The following CTNND2 variants were observed in gnomAD, a reference collection of about 807,000 sequenced individuals.
The protein encoded by CTNND2 is catenin delta 2.
CTNND2 carries 22 observed loss-of-function variants against 144.4 expected under a neutral mutation model. The observed-to-expected ratio is 0.15, with a 90% CI of 0.11 to 0.22. The LOEUF is 0.22. CTNND2 is among the 10% of genes least tolerant of loss of function. The probability of loss-of-function intolerance (pLI) is 1.00; values close to 1 mark genes in which losing one functional copy is unlikely to be tolerated. For synonymous variants in CTNND2, 751 were observed against 695.6 expected (o/e 1.08, Z -1.25); for missense variants, 1,353 against 1,618.8 (o/e 0.84, Z 2.82).
At chr5:11,478,278 G>T (rs574229078) in intron 3 of CTNND2, among the ~76,000 whole-genome samples, 79 of 152,212 alleles carry the variant, frequency 5.2e-4, no homozygotes, top group Non-Finnish European at 9.3e-4. Context: ...CTGTGCTTGG[G>T]GGACCTATAC....
chr5:11,731,115 C>T (rs945637438), intron 2 of CTNND2, among the ~76,000 whole-genome samples: 4 of 152,210 alleles, frequency 2.6e-5, no homozygotes, highest in Admixed American at 2.6e-4. Flanking sequence ...AGAGTATCCA[C>T]TCAATCTATT....
At chr5:11,898,791 G>A (rs949502665) in intron 1 of CTNND2, among the ~76,000 whole-genome samples, 2 of 152,072 alleles carry the variant, frequency 1.3e-5, no homozygotes, top group Non-Finnish European at 2.9e-5. Flanking sequence ...ACATAAATTT[G>A]AATACAAATA....
At chr5:11,496,060 CT>C (rs1386793911) in intron 3 of CTNND2, among the ~76,000 whole-genome samples, 4 of 152,172 alleles carry the variant, frequency 2.6e-5, no homozygotes, top group Non-Finnish European at 4.4e-5. Context: ...CTTTAACATG[CT>C]TATTCTGAAT....
intron 3 of CTNND2, among the ~76,000 whole-genome samples, chr5:11,426,856 C>T (rs1274060414): frequency 6.6e-6 from 1 of 152,178 alleles, no homozygotes; most frequent in Non-Finnish European, 1.5e-5. Flanking sequence ...CAGGGCAATT[C>T]ATGGTTCCAT....
At chr5:11,521,779 C>T (rs1303576599) in intron 3 of CTNND2, among the ~76,000 whole-genome samples, 4 of 152,184 alleles carry the variant, frequency 2.6e-5, no homozygotes, top group East Asian at 1.9e-4. Flanking sequence ...CAAAGACAAT[C>T]GATGCTCGTT....
chr5:11,842,735 G>A lies in CTNND2; in HGVS notation c.37+61082C>T, dbSNP rs1461048123. Among the ~76,000 whole-genome samples the A allele has an allele frequency of 2.4e-4, 34 of 141,114 alleles. No individual in the cohort carries two copies. The East Asian group carries it at 3.2e-3, about 13-fold the overall frequency. The allele number at this position is 141,114 out of a possible 152,430, so 92.6% of individuals were successfully genotyped here. A position where few individuals can be genotyped will look rare whatever the true frequency, so the allele number is the denominator to read the frequency against. ...CTCGGTCTCAGAACAAAAAAAAAAAGTAAACTGTCTCTTTTATAATTTTTA... is the reference window on the plus strand; with the variant it reads ...CTCGGTCTCAGAACAAAAAAAAAAAATAAACTGTCTCTTTTATAATTTTTA... On this transcript the variant is annotated intron_variant, in intron 1 of 21. Transcript: ENST00000304623.
rs529310713 is a variant in CTNND2 at position 11,799,476 on chromosome 5, A to T, written c.38-67204T>A. Among the ~76,000 whole-genome samples the T allele has an allele frequency of 7.9e-5, 12 of 152,264 alleles. No homozygotes were observed. The South Asian group carries it at 2.5e-3, about 32-fold the overall frequency. On this transcript the variant is annotated intron_variant, in intron 1 of 21. Coordinates refer to ENST00000304623, the MANE Select transcript of CTNND2 (RefSeq NM_001332.4). ...TCCCGTTGAGATGTGTATAGTTTTC[A>T]AACATTTTACCTTCTCCAATGGCTT...
intron 3 of CTNND2, among the ~76,000 whole-genome samples, chr5:11,498,844 A>G (rs190631196): frequency 6.6e-6 from 1 of 152,330 alleles, no homozygotes; most frequent in Admixed American, 6.5e-5. Context: ...AAGGTCATCT[A>G]AGAGAAAGAA....
At chr5:11,642,702 C>T (rs1561650128) in intron 2 of CTNND2, among the ~76,000 whole-genome samples, 1 of 152,184 alleles carries the variant, frequency 6.6e-6, no homozygotes, top group Non-Finnish European at 1.5e-5. Flanking sequence ...ATAAGGGTGA[C>T]CTTGTGAGGA....
intron 2 of CTNND2, among the ~76,000 whole-genome samples, chr5:11,727,947 T>C (rs1787111811): frequency 2.0e-5 from 3 of 152,246 alleles, no homozygotes; most frequent in Admixed American, 6.5e-5. Context: ...GGGAGTATTT[T>C]ATAATGAACT....
intron 3 of CTNND2, among the ~76,000 whole-genome samples, chr5:11,439,329 T>G (rs1052558124): frequency 1.3e-5 from 2 of 152,172 alleles, no homozygotes; most frequent in African/African-American, 4.8e-5. Flanking sequence ...AGGAGATCCC[T>G]GTAGACAGTA....
chr5:11,189,261 G>A (rs1280104887), intron 11 of CTNND2, among the ~76,000 whole-genome samples: 1 of 152,172 alleles, frequency 6.6e-6, no homozygotes, highest in African/African-American at 2.4e-5. Flanking sequence ...CATATCATAA[G>A]GAAGGCTGGT....
chr5:11,428,553 G>A (rs1762996952), intron 3 of CTNND2, among the ~76,000 whole-genome samples: 1 of 152,176 alleles, frequency 6.6e-6, no homozygotes. Context: ...TCTGGACTGG[G>A]AGCACCTTGA....
intron 2 of CTNND2, among the ~76,000 whole-genome samples, chr5:11,666,841 A>G (rs912676917): frequency 6.6e-6 from 1 of 152,104 alleles, no homozygotes; most frequent in Non-Finnish European, 1.5e-5. Flanking sequence ...AAATAGGTAT[A>G]CATGTGCCAT....
intron 10 of CTNND2, among the ~76,000 whole-genome samples, chr5:11,201,265 AG>A (rs1393871787): frequency 6.6e-6 from 1 of 152,202 alleles, no homozygotes; most frequent in Non-Finnish European, 1.5e-5. Flanking sequence ...ATAAATGTTC[AG>A]GAAATATTTG....
chr5:11,597,254 C>T (rs753167615), intron 2 of CTNND2, among the ~76,000 whole-genome samples: 4 of 152,162 alleles, frequency 2.6e-5, no homozygotes, highest in Non-Finnish European at 5.9e-5. Flanking sequence ...GGGGCCCTTC[C>T]GTGTATGTTA....
At chr5:11,851,514 T>C (rs373658194) in intron 1 of CTNND2, among the ~76,000 whole-genome samples, 1 of 152,338 alleles carries the variant, frequency 6.6e-6, no homozygotes, top group South Asian at 2.1e-4. Flanking sequence ...CTCACCCATG[T>C]CCAGTCCACA....
chr5:11,462,697 C>T (rs1409186130), intron 3 of CTNND2, among the ~76,000 whole-genome samples: 3 of 151,816 alleles, frequency 2.0e-5, no homozygotes. Flanking sequence ...AGTTGGGGTG[C>T]TCGAAAGTAA....
intron 1 of CTNND2, among the ~76,000 whole-genome samples, chr5:11,800,439 T>C (rs1225317845): frequency 6.6e-6 from 1 of 152,194 alleles, no homozygotes; most frequent in Non-Finnish European, 1.5e-5. Context: ...AATTACATAG[T>C]ACATTTAAAG....
Sources: gnomAD v4.1 joint callset for allele counts (sites outside exome capture counted in the v4.1 genomes callset) on GRCh38, gnomAD v4.1.1 for gene constraint, MANE v1.5 for transcripts, NCBI Gene and HGNC (gene_info 2026-07-23, HGNC 2026-07-21) for gene names.